Variants in ZDHHC8 observed in about 807,000 individuals in gnomAD.
ZDHHC8 encodes the protein zDHHC palmitoyltransferase 8.
Under a neutral mutation model 61.2 loss-of-function variants are expected in ZDHHC8, and 24 were observed. That is an observed-to-expected ratio of 0.39 (90% CI 0.28 to 0.55). The LOEUF (loss-of-function observed/expected upper bound fraction) is 0.55. Ranked by LOEUF, ZDHHC8 falls within the 20% of genes least tolerant of loss-of-function variation. The pLI is 0.60. For missense variants in ZDHHC8, 935 were observed against 1,102.1 expected, an observed-to-expected ratio of 0.85 and a Z score of 2.15; for synonymous variants, 523 against 492.5, an observed-to-expected ratio of 1.06 and a Z score of -0.82.
Position 20,138,103 on chromosome 22 carries a change from G to T in ZDHHC8, c.105-1091G>T, listed in dbSNP as rs1208292169. Among the ~76,000 whole-genome samples the T allele has an allele frequency of 4.6e-5, 7 of 152,276 alleles. No individual in the cohort carries two copies. The East Asian group carries it at 1.2e-3, about 25-fold the overall frequency. On this transcript the variant is annotated intron_variant, in intron 1 of 10. Transcript: ENST00000334554. ...GGCGGGGCTGGCTCTTGGCCAGGCG[G>T]GCGTGGGTGCAGCAGCGTGGCCACG... is the stretch of plus-strand genomic sequence containing the variant.
Position 20,139,461 on chromosome 22 carries a change from T to C in ZDHHC8, c.227-17T>C, listed in dbSNP as rs1344256613. On this transcript the variant is annotated splice_polypyrimidine_tract_variant and intron_variant, in intron 2 of 10. Coordinates refer to ENST00000334554, the MANE Select transcript of ZDHHC8 (RefSeq NM_013373.4). ...GAAAGTCAACTTCCTGCTCACTGCC[T>C]GGCTCCTGGTCTGTAGCGGATGAGG... 6.2e-7 allele frequency: 1 copy of C among 1,611,808 alleles called. No homozygotes were observed. Among genetic ancestry groups the C allele is most frequent in the East Asian group, 2.2e-5 (1 of 44,848 alleles).
In ZDHHC8 at chr22:20,147,330, T is replaced by C; in HGVS notation, c.*1930T>C. 1.6e-6 allele frequency: 2 copies of C among 1,213,268 alleles called. No individual in the cohort carries two copies. 75.2% of individuals were successfully genotyped at this position (1,213,268 alleles called of 1,614,324 possible). On this transcript the variant is annotated 3_prime_UTR_variant, in exon 11 of 11. Transcript: ENST00000334554. ...CCCTGGGGCAGGGCTGGGGGTGGGC[T>C]GGGCTCTCTGCTCCACCAGCCACAG...
intron 2 of ZDHHC8, 78 bp from the exon 3 acceptor site, chr22:20,139,400 G>T: frequency 6.2e-7 from 1 of 1,603,024 alleles, no homozygotes; most frequent in Non-Finnish European, 8.5e-7. Context: ...ATTCCTGGTG[G>T]GTGGGCTGGA....
chr22:20,141,592 G>A lies in ZDHHC8; in HGVS notation c.1125+62G>A, dbSNP rs576913788. The A allele has an allele frequency of 6.8e-5, 96 of 1,406,088 alleles. No individual in the cohort carries two copies. In the East Asian group the frequency reaches 9.1e-4, roughly 13 times the overall value. The allele number at this position is 1,406,088 out of a possible 1,614,324, so 87.1% of individuals were successfully genotyped here. A position where few individuals can be genotyped will look rare whatever the true frequency, so the allele number is the denominator to read the frequency against. ...CCCCCAGGCCCGCCTCTAGGAGCTCGCCCCACAGCCTTCACCCCGTGAAGG... is the reference window on the plus strand; with the variant it reads ...CCCCCAGGCCCGCCTCTAGGAGCTCACCCCACAGCCTTCACCCCGTGAAGG... On this transcript the variant is annotated intron_variant, in intron 9 of 10. Coordinates refer to ENST00000334554, the MANE Select transcript of ZDHHC8 (RefSeq NM_013373.4).
chr22:20,140,505 C>T, intron 5 of ZDHHC8, 112 bp from the exon 6 acceptor site: 7 of 1,176,658 alleles, frequency 5.9e-6, no homozygotes, highest in South Asian at 4.8e-5. Context: ...CCACCTAAGC[C>T]ACTTCCCGCA....
chr22:20,135,650 G>A (rs1370830496), intron 1 of ZDHHC8, among the ~76,000 whole-genome samples: 1 of 152,236 alleles, frequency 6.6e-6, no homozygotes, highest in Non-Finnish European at 1.5e-5. Flanking sequence ...TCATGAGTCT[G>A]GGGAACCTGG....
chr22:20,133,280 G>A (rs2050393366), intron 1 of ZDHHC8, among the ~76,000 whole-genome samples: 1 of 152,084 alleles, frequency 6.6e-6, no homozygotes, highest in Non-Finnish European at 1.5e-5. Context: ...GGGGCAGCCT[G>A]GGGAGCCTGG....
In ZDHHC8 at chr22:20,141,455, G is replaced by A. The variant is rs141252564; in HGVS notation, c.1050G>A (p.Pro350=). ...SALSVQRTSP[P]TPAMYKFRPA... Reference sequence around the variant, plus strand: ...TGTCGGTGCAGAGGACCAGCCCCCCGACACCTGCCATGTACAAGTTTAGGC... The same window carrying A: ...TGTCGGTGCAGAGGACCAGCCCCCCAACACCTGCCATGTACAAGTTTAGGC... The change falls in exon 9 of 11, where the codon CCG becomes CCA. Residue 350 remains proline, a synonymous_variant. Transcript: ENST00000334554. 633 of 1,613,328 alleles carry A rather than the reference G, an allele frequency of 3.9e-4. 4 individuals are homozygous for A. The African/African-American group carries it at 7.3e-3, about 19-fold the overall frequency.
chr22:20,138,398 A>C (rs2050439272), intron 1 of ZDHHC8, among the ~76,000 whole-genome samples: 1 of 152,226 alleles, frequency 6.6e-6, no homozygotes, highest in African/African-American at 2.4e-5. Flanking sequence ...GTGTGGCCCG[A>C]GGACCGGCAA....
At chr22:20,145,115 T>A (rs175178) in intron 10 of ZDHHC8, 114 bp from the exon 11 acceptor site, 409,293 of 1,009,204 alleles carry the variant, frequency 0.41, 85,654 homozygotes, top group East Asian at 0.63. Context: ...GCCCCACAAC[T>A]CGGCTGCACT....
chr22:20,138,817 C>T (rs2050442344), intron 1 of ZDHHC8, among the ~76,000 whole-genome samples: 2 of 152,190 alleles, frequency 1.3e-5, no homozygotes, highest in South Asian at 2.1e-4. Flanking sequence ...GATGAGGCAT[C>T]GTGGCGCATT....
chr22:20,132,010 C>T lies in ZDHHC8; in HGVS notation c.63C>T (p.Ala21=). Residue 21 remains alanine, a synonymous_variant, in exon 1 of 11, where the codon GCC becomes GCT. Transcript: ENST00000334554. ...AGTACATCCCGGTGGCCACGGCCGC[C>T]GCGCTGCTGGTCGGCTCCAGCACCC... ...PAKYIPVATA[A]ALLVGSSTLF... 2 of 1,391,498 alleles carry T rather than the reference C, an allele frequency of 1.4e-6. No individual in the cohort carries two copies. Among genetic ancestry groups the T allele is most frequent in the Non-Finnish European group, 1.9e-6 (2 of 1,057,398 alleles). The allele number at this position is 1,391,498 out of a possible 1,614,324, so 86.2% of individuals were successfully genotyped here. A position where few individuals can be genotyped will look rare whatever the true frequency, so the allele number is the denominator to read the frequency against.
chr22:20,132,660 A>G (rs1385447028), intron 1 of ZDHHC8, among the ~76,000 whole-genome samples: 1 of 152,178 alleles, frequency 6.6e-6, no homozygotes, highest in Non-Finnish European at 1.5e-5. Context: ...ATGTTAGCAC[A>G]TCACCTCCGT....
In ZDHHC8 at chr22:20,147,602, G is replaced by A. The variant is rs1401025965; in HGVS notation, c.*2202G>A. The A allele has an allele frequency of 4.8e-6, 1 of 207,882 alleles. No individual in the cohort carries two copies. Among genetic ancestry groups the A allele is most frequent in the Non-Finnish European group, 9.5e-6 (1 of 104,822 alleles). 12.9% of individuals were successfully genotyped at this position (207,882 alleles called of 1,614,324 possible). On this transcript the variant is annotated 3_prime_UTR_variant, in exon 11 of 11. Transcript: ENST00000334554. ...GGGGGGGTCTCAGGTTGCCCCTGAA[G>A]GTCTCTGCACTCCTCCTGCCCTTCC...
Position 20,139,891 on chromosome 22 carries a change from A to T in ZDHHC8, c.556A>T (p.Thr186Ser). The T allele has an allele frequency of 1.9e-6, 3 of 1,611,544 alleles. No homozygotes were observed. Among genetic ancestry groups the T allele is most frequent in the Non-Finnish European group, 2.5e-6 (3 of 1,179,668 alleles). Residue 186 changes from threonine to serine, a missense_variant and splice_region_variant, in exon 4 of 11, where the codon ACC becomes TCC. By Grantham distance (58) the Thr-to-Ser change is moderately conservative (BLOSUM62 1). Transcript: ENST00000334554. ...EGLGAAHTTI[T>S]MAVMCVAGLF... ...GCTGGGAGCCGCGCACACCACCATC[A>T]CGTATCCTTGGTTCCTGTGGGCCTC...
rs1337062807 is a variant in ZDHHC8, at chr22:20,146,207, C to T, written c.*807C>T. ...GGGGGCTGGTGACACCCAGAGCCCC[C>T]TCCCCAGCCCTCAGGCCCTCCCTGC... On this transcript the variant is annotated 3_prime_UTR_variant, in exon 11 of 11. Transcript: ENST00000334554. The T allele has an allele frequency of 4.1e-6, 4 of 985,498 alleles. No individual in the cohort carries two copies. In the African/African-American group the frequency reaches 5.2e-5, roughly 13 times the overall value. 61.0% of individuals were successfully genotyped at this position (985,498 alleles called of 1,614,324 possible).
At position 20,141,513 on chromosome 22, in the gene ZDHHC8, T is replaced by G; in HGVS notation, c.1108T>G (p.Cys370Gly). The G allele has an allele frequency of 6.2e-7, 1 of 1,612,530 alleles. No homozygotes were observed. Among genetic ancestry groups the G allele is most frequent in the Non-Finnish European group, 8.5e-7 (1 of 1,179,760 alleles). The part of the protein sequence containing the change: ...AFPTGPKVPF[C>G]GPGEQVPGPD... The stretch of plus-strand genomic sequence containing the variant: ...CCCCACGGGTCCCAAGGTGCCCTTC[T>G]GTGGACCAGGCGAGCAGGTAAGGAG... Residue 370 changes from cysteine (C) to glycine (G), a missense_variant, in exon 9 of 11, where the codon TGT (cysteine) becomes GGT (glycine). This residue lies in a region of ZDHHC8 where 692 missense variants were observed against 731.4 expected (regional missense o/e 0.95). Coordinates refer to ENST00000334554, the MANE Select transcript of ZDHHC8 (RefSeq NM_013373.4).
At position 20,139,574 on chromosome 22, in the gene ZDHHC8, C is replaced by G; in HGVS notation, c.323C>G (p.Thr108Arg). 4 of 1,613,284 alleles carry G rather than the reference C, an allele frequency of 2.5e-6. No homozygotes were observed. Among genetic ancestry groups the G allele is most frequent in the Non-Finnish European group, 3.4e-6 (4 of 1,180,020 alleles). Residue 108 changes from threonine to arginine, a missense_variant, in exon 3 of 11, where the codon ACG (threonine) becomes AGG (arginine). Transcript: ENST00000334554. ...CAGGTCCGCATGAAGTGGTGTGCCACGTGCCACTTCTACCGCCCGCCGCGC... is the reference window on the plus strand; with the variant it reads ...CAGGTCCGCATGAAGTGGTGTGCCAGGTGCCACTTCTACCGCCCGCCGCGC... ...GIQVRMKWCATCHFYRPPRCS... is the reference protein window; with the variant it reads ...GIQVRMKWCARCHFYRPPRCS...
chr22:20,145,564 G>A lies in ZDHHC8; in HGVS notation c.*164G>A, dbSNP rs1305654977. 49 of 1,279,882 alleles carry A rather than the reference G, an allele frequency of 3.8e-5. No homozygotes were observed. The South Asian group carries it at 8.9e-4, about 23-fold the overall frequency. 79.3% of individuals were successfully genotyped at this position (1,279,882 alleles called of 1,614,324 possible). A position where few individuals can be genotyped will look rare whatever the true frequency, so the allele number is the denominator to read the frequency against. ...CACGCCTCCACAGCTTGCCCCAAGC[G>A]CTCTGCCTGCCCGTCCACTCATCTG... On this transcript the variant is annotated 3_prime_UTR_variant, in exon 11 of 11. Coordinates refer to ENST00000334554, the MANE Select transcript of ZDHHC8 (RefSeq NM_013373.4).
Sources: gnomAD v4.1 joint callset for allele counts (sites outside exome capture counted in the v4.1 genomes callset) on GRCh38, gnomAD v4.1.1 for gene constraint, gnomAD v4.1.1 regional missense constraint, MANE v1.5 for transcripts, NCBI Gene and HGNC (gene_info 2026-07-23, HGNC 2026-07-21) for gene names.